LGSN: variants seen among roughly 807,000 people sequenced by gnomAD.
The protein encoded by LGSN is lengsin.
Under a neutral mutation model 19.5 loss-of-function variants are expected in LGSN, and 21 were observed. That is an observed-to-expected ratio of 1.07 (90% CI 0.76 to 1.55). LGSN has a LOEUF of 1.55. LGSN is among the 40% of genes most tolerant of loss of function. The probability of loss-of-function intolerance (pLI) is 0.00; values close to 1 mark genes in which losing one functional copy is unlikely to be tolerated. For missense variants in LGSN, 673 were observed against 608.5 expected, an observed-to-expected ratio of 1.11 and a Z score of -1.12; for synonymous variants, 257 against 215.6, an observed-to-expected ratio of 1.19 and a Z score of -1.68.
At chr6:63,292,143 T>C (rs1383647950) in intron 2 of LGSN, among the ~76,000 whole-genome samples, 1 of 152,158 alleles carries the variant, frequency 6.6e-6, no homozygotes, top group Non-Finnish European at 1.5e-5. Flanking sequence ...ACAATCTGAA[T>C]GAACTTGTAA....
chr6:63,298,836 G>A (rs1414318445), intron 1 of LGSN, among the ~76,000 whole-genome samples: 1 of 152,144 alleles, frequency 6.6e-6, no homozygotes, highest in Non-Finnish European at 1.5e-5. Context: ...CTATTGATGT[G>A]CAGAACATTC....
At chr6:63,542,800 T>A in the LGSN span, among the ~76,000 whole-genome samples, 1 of 152,110 alleles carries the variant, frequency 6.6e-6, no homozygotes, top group East Asian at 1.9e-4. Flanking sequence ...TCCTTTCCAT[T>A]GCTCTATATG....
the LGSN span, among the ~76,000 whole-genome samples, chr6:63,385,029 C>G: frequency 6.6e-6 from 1 of 152,102 alleles, no homozygotes; most frequent in African/African-American, 2.4e-5. Context: ...ACCTGTGAAT[C>G]TTGGTGTTGA....
At chr6:63,325,432 C>T in the LGSN span, among the ~76,000 whole-genome samples, 1 of 152,056 alleles carries the variant, frequency 6.6e-6, no homozygotes, top group Non-Finnish European at 1.5e-5. Flanking sequence ...CACAGAAATA[C>T]AAAAGATCAT....
chr6:63,564,701 T>G, the LGSN span, among the ~76,000 whole-genome samples: 2 of 152,220 alleles, frequency 1.3e-5, no homozygotes, highest in Non-Finnish European at 2.9e-5. Flanking sequence ...CTAAGCTATT[T>G]TTGCCTCAGT....
chr6:63,482,732 A>C, the LGSN span, among the ~76,000 whole-genome samples: 18 of 152,202 alleles, frequency 1.2e-4, no homozygotes, highest in African/African-American at 4.3e-4. Flanking sequence ...ACAGGATCTC[A>C]CTATGTCACC....
the LGSN span, among the ~76,000 whole-genome samples, chr6:63,350,661 G>A: frequency 6.6e-6 from 1 of 152,126 alleles, no homozygotes; most frequent in African/African-American, 2.4e-5. Flanking sequence ...AGACCAGCCT[G>A]GCCAACATGG....
the LGSN span, chr6:63,441,978 C>A: frequency 5.3e-6 from 1 of 189,406 alleles, no homozygotes; most frequent in Non-Finnish European, 1.1e-5. Context: ...GATGGTGTGT[C>A]CAGAGTTTGT....
the LGSN span, among the ~76,000 whole-genome samples, chr6:63,496,207 G>A: frequency 6.6e-6 from 1 of 152,218 alleles, no homozygotes; most frequent in East Asian, 1.9e-4. Context: ...TTACAGGCGT[G>A]AGCCACAGTG....
At chr6:63,388,041 T>C in the LGSN span, among the ~76,000 whole-genome samples, 2 of 137,742 alleles carry the variant, frequency 1.5e-5, no homozygotes, top group Non-Finnish European at 3.2e-5. Flanking sequence ...AATTTTTTTG[T>C]TTTTTTTTTT....
At chr6:63,501,480 A>G in the LGSN span, among the ~76,000 whole-genome samples, 1 of 152,176 alleles carries the variant, frequency 6.6e-6, no homozygotes, top group Admixed American at 6.5e-5. Flanking sequence ...TAAAGCAACA[A>G]ATAAATATGC....
At chr6:63,327,328 G>T in the LGSN span, among the ~76,000 whole-genome samples, 7 of 152,198 alleles carry the variant, frequency 4.6e-5, no homozygotes, top group Non-Finnish European at 7.4e-5. Flanking sequence ...CAAGATGGCT[G>T]CCATGGGACC....
the LGSN span, among the ~76,000 whole-genome samples, chr6:63,413,277 T>C: frequency 1.3e-5 from 2 of 152,116 alleles, no homozygotes; most frequent in Non-Finnish European, 2.9e-5. Flanking sequence ...GAACTCTAAA[T>C]GCAATTTCAT....
the LGSN span, among the ~76,000 whole-genome samples, chr6:63,366,874 A>G: frequency 6.6e-6 from 1 of 150,612 alleles, no homozygotes; most frequent in Non-Finnish European, 1.5e-5. Flanking sequence ...TGCTGGGAGA[A>G]CTGGCTAGCC....
chr6:63,491,565 G>A, the LGSN span, among the ~76,000 whole-genome samples: 51 of 151,974 alleles, frequency 3.4e-4, no homozygotes, highest in Non-Finnish European at 1.0e-4. Flanking sequence ...AAATATGAAT[G>A]GGCAGAAGAC....
chr6:63,368,934 T>C, the LGSN span, among the ~76,000 whole-genome samples: 1 of 152,198 alleles, frequency 6.6e-6, no homozygotes, highest in African/African-American at 2.4e-5. Flanking sequence ...GTGAGCCACA[T>C]CAAAATCTTA....
the LGSN span, among the ~76,000 whole-genome samples, chr6:63,409,961 C>T: frequency 2.0e-5 from 3 of 152,106 alleles, no homozygotes; most frequent in African/African-American, 7.2e-5. Flanking sequence ...TGCTTGAACA[C>T]AGGAGGCGGA....
At chr6:63,359,228 G>A in the LGSN span, among the ~76,000 whole-genome samples, 117 of 152,178 alleles carry the variant, frequency 7.7e-4, no homozygotes, top group African/African-American at 2.5e-3. Context: ...TGCTGGATTC[G>A]GTTTGCTAGT....
At chr6:63,513,932 A>AAAAC in the LGSN span, among the ~76,000 whole-genome samples, 8 of 114,478 alleles carry the variant, frequency 7.0e-5, no homozygotes, top group Non-Finnish European at 1.4e-4. Context: ...AAAAAAAAAA[A>AAAAC]AAAACACTGG....
Sources: gnomAD v4.1 joint callset for allele counts (sites outside exome capture counted in the v4.1 genomes callset) on GRCh38, gnomAD v4.1.1 for gene constraint, MANE v1.5 for transcripts, NCBI Gene and HGNC (gene_info 2026-07-23, HGNC 2026-07-21) for gene names.